Variants in SMOC2 observed in about 807,000 individuals in gnomAD.
SMOC2 encodes the protein SPARC-related modular calcium-binding protein 2.
Under a neutral mutation model 61.4 loss-of-function variants are expected in SMOC2, and 39 were observed. The observed-to-expected ratio is 0.64, with a 90% CI of 0.49 to 0.83. SMOC2 has a LOEUF of 0.83. Among genes scored for constraint, SMOC2 ranks in the 40% least tolerant of loss-of-function variants. The pLI, the probability that SMOC2 is intolerant of heterozygous loss-of-function variation, is 0.00. For synonymous variants in SMOC2, 247 were observed against 239.9 expected (o/e 1.03, Z -0.27); for missense variants, 556 against 592.9 (o/e 0.94, Z 0.65).
intron 2 of SMOC2, 53 bp from the exon 3 acceptor site, chr6:168,526,293 T>C: frequency 6.7e-7 from 1 of 1,493,368 alleles, no homozygotes; most frequent in African/African-American, 1.4e-5. Flanking sequence ...CCTATATCTG[T>C]TCTATCTTCT....
chr6:168,647,364 G>C lies in SMOC2; in HGVS notation c.908-3317G>C, dbSNP rs201956560. Reference sequence around the variant, plus strand: ...ACCAGAGCACCAGGCTCCTCATACAGGTTCTCAGCGGGCAGCTTCCCCAGC... The same window carrying C: ...ACCAGAGCACCAGGCTCCTCATACACGTTCTCAGCGGGCAGCTTCCCCAGC... On this transcript the variant is annotated intron_variant, in intron 9 of 12. Transcript: ENST00000356284. Among the ~76,000 whole-genome samples the C allele has an allele frequency of 1.5e-4, 23 of 152,334 alleles. No individual in the cohort carries two copies. The East Asian group carries it at 3.7e-3, about 24-fold the overall frequency.
intron 7 of SMOC2, among the ~76,000 whole-genome samples, chr6:168,586,765 T>C (rs1785054353): frequency 6.6e-6 from 1 of 152,222 alleles, no homozygotes; most frequent in Non-Finnish European, 1.5e-5. Context: ...AATATTCCAA[T>C]TATTCATTAG....
intron 10 of SMOC2, among the ~76,000 whole-genome samples, chr6:168,652,198 T>G (rs1364439991): frequency 1.3e-5 from 2 of 152,168 alleles, no homozygotes; most frequent in Admixed American, 6.5e-5. Context: ...AATTGCAAAC[T>G]AAACTAAATG....
In SMOC2 at chr6:168,497,485, G is replaced by A. The variant is rs921477533; in HGVS notation, c.85-12430G>A. 5.4e-5 allele frequency among the ~76,000 whole-genome samples: 8 copies of A among 147,708 alleles called. 1 individual carries two copies. The South Asian group carries it at 1.5e-3, about 28-fold the overall frequency. ...GTGGTGGTGAATGCGGATGGAGGTGGGGGTCTTCTTGAGTGCCCTCTCTCC... is the reference window on the plus strand; with the variant it reads ...GTGGTGGTGAATGCGGATGGAGGTGAGGGTCTTCTTGAGTGCCCTCTCTCC... On this transcript the variant is annotated intron_variant, in intron 1 of 12. Coordinates refer to ENST00000356284, the MANE Select transcript of SMOC2 (RefSeq NM_001166412.2).
rs560716315 is a variant in SMOC2 at position 168,455,983 on chromosome 6, G to GGCACTCAGGCAGGGCGGAGAT, written c.84+14532_84+14552dup. Among the ~76,000 whole-genome samples the GGCACTCAGGCAGGGCGGAGAT allele has an allele frequency of 1.7e-3, 263 of 152,306 alleles. 7 individuals carry two copies. In the South Asian group the frequency reaches 0.051, roughly 29 times the overall value. ...CCGGTCTGTTCCTGTGAAAGGGCGCGGCACTCAGGCAGGGCGGAGATGCCC... is the reference window on the plus strand; with the variant it reads ...CCGGTCTGTTCCTGTGAAAGGGCGCGGCACTCAGGCAGGGCGGAGATGCACTCAGGCAGGGCGGAGATGCCC... On this transcript the variant is annotated intron_variant, in intron 1 of 12. Coordinates refer to ENST00000356284, the MANE Select transcript of SMOC2 (RefSeq NM_001166412.2).
intron 9 of SMOC2, among the ~76,000 whole-genome samples, chr6:168,625,676 T>C (rs1270251609): frequency 1.3e-5 from 2 of 152,228 alleles, no homozygotes; most frequent in African/African-American, 2.4e-5. Flanking sequence ...CGAGGGCGTA[T>C]ACACAGCCAA....
chr6:168,571,489 G>A (rs1784665133), intron 7 of SMOC2, among the ~76,000 whole-genome samples: 1 of 152,200 alleles, frequency 6.6e-6, no homozygotes, highest in Non-Finnish European at 1.5e-5. Flanking sequence ...AGCAATCCGG[G>A]TGATTCTTCG....
chr6:168,546,988 G>T (rs1338313222), intron 5 of SMOC2, 131 bp from the exon 6 acceptor site: 15 of 1,057,624 alleles, frequency 1.4e-5, no homozygotes, highest in East Asian at 2.4e-5. Flanking sequence ...CGTTGGGTCT[G>T]TGTGGGGTTG....
At chr6:168,449,864 A>C (rs1214642238) in intron 1 of SMOC2, among the ~76,000 whole-genome samples, 2 of 152,204 alleles carry the variant, frequency 1.3e-5, no homozygotes, top group Non-Finnish European at 2.9e-5. Flanking sequence ...ATATCTTTAG[A>C]GGGACAGTCA....
chr6:168,508,910 C>A (rs1583066092), intron 1 of SMOC2, among the ~76,000 whole-genome samples: 1 of 152,086 alleles, frequency 6.6e-6, no homozygotes, highest in Admixed American at 6.5e-5. Flanking sequence ...AGGAGAATAC[C>A]CCTTGGGGCA....
At chr6:168,603,909 C>T (rs1432853694) in intron 8 of SMOC2, among the ~76,000 whole-genome samples, 1 of 152,188 alleles carries the variant, frequency 6.6e-6, no homozygotes, top group Non-Finnish European at 1.5e-5. Context: ...CAGTTTTTAT[C>T]AAAAGGTGGG....
rs935128768 is a variant in SMOC2, at chr6:168,661,334, G to A, written c.1286-2740G>A. 6.6e-5 allele frequency among the ~76,000 whole-genome samples: 10 copies of A among 152,180 alleles called. No homozygotes were observed. The Middle Eastern group carries it at 0.01, about 155-fold the overall frequency. ...TTCTAAAAAATATGAGAAATCAGCC[G>A]GGCGTGGTAGCTCATGCCTGTAATC... is the stretch of plus-strand genomic sequence containing the variant. On this transcript the variant is annotated intron_variant, in intron 11 of 12. Transcript: ENST00000356284.
At chr6:168,511,367 T>C (rs532081597) in intron 2 of SMOC2, among the ~76,000 whole-genome samples, 30 of 152,122 alleles carry the variant, frequency 2.0e-4, no homozygotes, top group Non-Finnish European at 4.3e-4. Context: ...CTTCTTCACA[T>C]GATGGCAGGA....
intron 1 of SMOC2, among the ~76,000 whole-genome samples, chr6:168,457,693 G>C (rs114093189): frequency 3.2e-3 from 486 of 151,838 alleles, no homozygotes; most frequent in African/African-American, 0.011. Flanking sequence ...ACGAGTACAT[G>C]TGGTGCCGCC....
intron 4 of SMOC2, among the ~76,000 whole-genome samples, chr6:168,527,948 T>C (rs577560895): frequency 6.6e-6 from 1 of 152,366 alleles, no homozygotes; most frequent in East Asian, 1.9e-4. Context: ...TGTATGCATA[T>C]GGCTGGAGGC....
chr6:168,635,281 A>T (rs926667693), intron 9 of SMOC2, among the ~76,000 whole-genome samples: 2 of 152,222 alleles, frequency 1.3e-5, no homozygotes, highest in Non-Finnish European at 2.9e-5. Flanking sequence ...CGAGCAGTTT[A>T]TCATCTAGCT....
At position 168,605,344 on chromosome 6, in the gene SMOC2, C is replaced by T. The variant is rs139259566; in HGVS notation, c.825-2813C>T. On this transcript the variant is annotated intron_variant, in intron 8 of 12. Transcript: ENST00000356284. ...CATGTGGGCATAGGACTGCATTTCT[C>T]CCTGGCAGAGAACCTGGTATCTGAT... is the stretch of plus-strand genomic sequence containing the variant. Among the ~76,000 whole-genome samples the T allele has an allele frequency of 1.9e-3, 286 of 152,220 alleles. 2 individuals are homozygous for T. Among genetic ancestry groups the T allele is most frequent in the African/African-American group, 6.4e-3 (266 of 41,536 alleles).
chr6:168,476,368 G>T (rs1366722308), intron 1 of SMOC2, among the ~76,000 whole-genome samples: 1 of 151,930 alleles, frequency 6.6e-6, no homozygotes, highest in Non-Finnish European at 1.5e-5. Context: ...CTGGGTGTTT[G>T]GTGTATTTAC....
chr6:168,656,326 C>T (rs770614856), intron 11 of SMOC2, among the ~76,000 whole-genome samples: 1 of 151,834 alleles, frequency 6.6e-6, no homozygotes, highest in Non-Finnish European at 1.5e-5. Flanking sequence ...GCCTGGCCAG[C>T]ATAGTGAAAC....
Sources: allele counts gnomAD v4.1 joint callset (sites outside exome capture counted in the v4.1 genomes callset), GRCh38; gene constraint gnomAD v4.1.1; transcripts MANE v1.5; gene names NCBI Gene and HGNC (gene_info 2026-07-23, HGNC 2026-07-21).